PPARA: variants seen among roughly 807,000 people sequenced by gnomAD.
PPARA encodes peroxisome proliferator-activated receptor alpha.
In PPARA, 22 loss-of-function variants were observed where a neutral mutation model predicts 42.2. The ratio of observed to expected loss-of-function variants is 0.52; its 90% CI spans 0.37 to 0.74. The LOEUF is 0.74. PPARA is among the 30% of genes least tolerant of loss of function. The pLI, the probability that PPARA is intolerant of heterozygous loss-of-function variation, is 0.00. For synonymous variants in PPARA, 242 were observed against 239.3 expected (o/e 1.01, Z -0.10); for missense variants, 465 against 608.2 (o/e 0.76, Z 2.48).
At chr22:46,160,000 C>A (rs1205067278) in intron 2 of PPARA, among the ~76,000 whole-genome samples, 1 of 151,916 alleles carries the variant, frequency 6.6e-6, no homozygotes, top group Non-Finnish European at 1.5e-5. Context: ...AGATTCCGAT[C>A]ACAAGCTGTG....
At chr22:46,186,392 G>A (rs956106132) in intron 3 of PPARA, among the ~76,000 whole-genome samples, 7 of 152,044 alleles carry the variant, frequency 4.6e-5, no homozygotes, top group Non-Finnish European at 8.8e-5. Flanking sequence ...GTGTGGTCCC[G>A]CCTTTGTAGA....
rs1245690937 is a variant in PPARA at position 46,216,603 on chromosome 22, C to T, written c.369+1270C>T. On this transcript the variant is annotated intron_variant, in intron 5 of 8. Transcript: ENST00000407236. The surrounding 1 kb of genome is among the most constrained non-coding windows in gnomAD (Gnocchi z 4.5). ...CAGCAGCAGGGACTGGAACCAGAGACTGGCTGCTCCTGCTCCCCAGCAGTT... is the reference window on the plus strand; with the variant it reads ...CAGCAGCAGGGACTGGAACCAGAGATTGGCTGCTCCTGCTCCCCAGCAGTT... 6.6e-6 allele frequency among the ~76,000 whole-genome samples: 1 copy of T among 152,178 alleles called. No homozygotes were observed. The highest frequency in any genetic ancestry group is 1.5e-5 in the Non-Finnish European group (1 of 68,022).
At chr22:46,186,702 G>C (rs111870695) in intron 3 of PPARA, among the ~76,000 whole-genome samples, 1 of 151,958 alleles carries the variant, frequency 6.6e-6, no homozygotes, top group Admixed American at 6.6e-5. Context: ...GAGAGAGCGA[G>C]ACTCTGTCTC....
At position 46,163,165 on chromosome 22, in the gene PPARA, C is replaced by T. The variant is rs1205592354; in HGVS notation, c.-127+11195C>T. 3 of 152,242 alleles carry T rather than the reference C, an allele frequency of 2.0e-5. No homozygotes were observed. Among genetic ancestry groups the T allele is most frequent in the Non-Finnish European group, 4.4e-5 (3 of 68,056 alleles). 9.4% of individuals were successfully genotyped at this position (152,242 alleles called of 1,614,324 possible). A position where few individuals can be genotyped will look rare whatever the true frequency, so the allele number is the denominator to read the frequency against. ...ACCTGCCAGTGAACGGAATGTGCGG[C>T]TCCAGATGTCGTTGTCTTTAAACTT... On this transcript the variant is annotated intron_variant, in intron 2 of 8. Transcript: ENST00000407236. This position sits in a 1 kb window ranked among gnomAD's most constrained non-coding sequence, Gnocchi z 4.9.
At chr22:46,155,012 AAAAAAAAAAAAAAAAC>A (rs1354483063) in intron 2 of PPARA, 9 of 143,434 alleles carry the variant, frequency 6.3e-5, no homozygotes, top group East Asian at 2.0e-4. Context: ...AAAAAAAAAA[AAAAAAAAAAAAAAAAC>A]CACATTAATT....
rs1295209784 is a variant in PPARA at position 46,219,527 on chromosome 22, G to A, written c.509-285G>A. 1.3e-5 allele frequency among the ~76,000 whole-genome samples: 2 copies of A among 152,186 alleles called. No homozygotes were observed. Among genetic ancestry groups the A allele is most frequent in the African/African-American group, 4.8e-5 (2 of 41,442 alleles). On this transcript the variant is annotated intron_variant, in intron 6 of 8. Transcript: ENST00000407236. The surrounding 1 kb of genome is among the most constrained non-coding windows in gnomAD (Gnocchi z 4.8). ...TCAAAGGTTGATGATGCACCTGATA[G>A]TGGTGTGCACCCTACTAATGAGACG... is the stretch of plus-strand genomic sequence containing the variant.
intron 7 of PPARA, among the ~76,000 whole-genome samples, chr22:46,226,258 G>A (rs1935449289): frequency 1.3e-5 from 2 of 152,150 alleles, no homozygotes; most frequent in Admixed American, 1.3e-4. Flanking sequence ...CACACTTACT[G>A]TTGCTCAGGC....
chr22:46,191,794 G>A lies in PPARA; in HGVS notation c.-42-6548G>A, dbSNP rs776564081. On this transcript the variant is annotated intron_variant, in intron 3 of 8. Transcript: ENST00000407236. This position sits in a 1 kb window ranked among gnomAD's most constrained non-coding sequence, Gnocchi z 4.6. ...TTAGAAATAGATATTGAGGCCAGGC[G>A]CGGTGGCTCATGCCTGTAATCCCAG... 6.6e-6 allele frequency among the ~76,000 whole-genome samples: 1 copy of A among 152,148 alleles called. No homozygotes were observed. The highest frequency in any genetic ancestry group is 6.5e-5 in the Admixed American group (1 of 15,274).
At position 46,200,930 on chromosome 22, in the gene PPARA, A is replaced by T. The variant is rs1432033756; in HGVS notation, c.208+2339A>T. 6.9e-6 allele frequency among the ~76,000 whole-genome samples: 1 copy of T among 145,200 alleles called. No homozygotes were observed. Among genetic ancestry groups the T allele is most frequent in the Non-Finnish European group, 1.5e-5 (1 of 66,554 alleles). ...CAGGGTGAGACTCCATCTCAAAAAA[A>T]AGTTGGGGCGTGGTGGCTCATGCCT... is the stretch of plus-strand genomic sequence containing the variant. On this transcript the variant is annotated intron_variant, in intron 4 of 8. Coordinates refer to ENST00000407236, the MANE Select transcript of PPARA (RefSeq NM_005036.6). This position sits in a 1 kb window ranked among gnomAD's most constrained non-coding sequence, Gnocchi z 4.8.
chr22:46,177,219 A>AAAT (rs1298092214), intron 3 of PPARA, among the ~76,000 whole-genome samples: 2 of 151,928 alleles, frequency 1.3e-5, no homozygotes, highest in African/African-American at 2.4e-5. Flanking sequence ...TCAAAAAATA[A>AAAT]AATAAAATAA....
Position 46,198,464 on chromosome 22 carries a change from C to T in PPARA, c.81C>T (p.Phe27=), listed in dbSNP as rs767779884. 1.2e-6 allele frequency: 2 copies of T among 1,613,784 alleles called. No homozygotes were observed. The highest frequency in any genetic ancestry group is 3.3e-5 in the Admixed American group (2 of 59,952). ...GDLESPLSEE[F]LQEMGNIQEI... The stretch of plus-strand genomic sequence containing the variant: ...TAGAGAGCCCGTTATCTGAAGAGTT[C>T]CTGCAAGAAATGGGAAACATCCAAG... Residue 27 remains phenylalanine (F), a synonymous_variant, in exon 4 of 9, where the codon TTC becomes TTT. Coordinates refer to ENST00000407236, the MANE Select transcript of PPARA (RefSeq NM_005036.6).
At chr22:46,168,610 A>G (rs1927490604) in intron 2 of PPARA, among the ~76,000 whole-genome samples, 1 of 151,832 alleles carries the variant, frequency 6.6e-6, no homozygotes, top group Non-Finnish European at 1.5e-5. Flanking sequence ...AAGATGAACT[A>G]ACTCTTCAAC....
In PPARA at chr22:46,192,085, A is replaced by G. The variant is rs926456599; in HGVS notation, c.-42-6257A>G. 2.6e-5 allele frequency among the ~76,000 whole-genome samples: 4 copies of G among 152,190 alleles called. No homozygotes were observed. Among genetic ancestry groups the G allele is most frequent in the Non-Finnish European group, 4.4e-5 (3 of 68,014 alleles). On this transcript the variant is annotated intron_variant, in intron 3 of 8. Transcript: ENST00000407236. The surrounding 1 kb of genome is among the most constrained non-coding windows in gnomAD (Gnocchi z 4.3). ...TCTCAAAAAAAAGAGAAAGAAAGAAATAGACATTGAACACCTGCTACACAG... is the reference window on the plus strand; with the variant it reads ...TCTCAAAAAAAAGAGAAAGAAAGAAGTAGACATTGAACACCTGCTACACAG...
In PPARA at chr22:46,222,756, AC is replaced by A. The variant is rs1345992823; in HGVS notation, c.711+2743del. 6.6e-6 allele frequency among the ~76,000 whole-genome samples: 1 copy of A among 152,158 alleles called. No individual in the cohort carries two copies. Among genetic ancestry groups the A allele is most frequent in the African/African-American group, 2.4e-5 (1 of 41,424 alleles). On this transcript the variant is annotated intron_variant, in intron 7 of 8. Coordinates refer to ENST00000407236, the MANE Select transcript of PPARA (RefSeq NM_005036.6). This position sits in a 1 kb window ranked among gnomAD's most constrained non-coding sequence, Gnocchi z 5.9. ...GAAAGCAGGCTGGGCACAGTGGCTC[AC>A]ACTGTAATCCCAGCACTTTGGGAGG...
rs1926391598 is a variant in PPARA, at chr22:46,162,722, G to C, written c.-127+10752G>C. ...TCTGGGAGCCTGTGGCTCCTGCCGGGTACCCACCGGTTGAGATACCTCAAG... is the reference window on the plus strand; with the variant it reads ...TCTGGGAGCCTGTGGCTCCTGCCGGCTACCCACCGGTTGAGATACCTCAAG... On this transcript the variant is annotated intron_variant, in intron 2 of 8. Transcript: ENST00000407236. The surrounding 1 kb of genome is among the most constrained non-coding windows in gnomAD (Gnocchi z 6.0). 1.3e-5 allele frequency among the ~76,000 whole-genome samples: 2 copies of C among 152,128 alleles called. No individual in the cohort carries two copies. Among genetic ancestry groups the C allele is most frequent in the Admixed American group, 1.3e-4 (2 of 15,270 alleles).
At chr22:46,209,261 A>C (rs1034627551) in intron 4 of PPARA, among the ~76,000 whole-genome samples, 2 of 152,076 alleles carry the variant, frequency 1.3e-5, no homozygotes, top group Non-Finnish European at 2.9e-5. Flanking sequence ...GCTGCTTCTA[A>C]ATTTTTTTCT....
intron 3 of PPARA, among the ~76,000 whole-genome samples, chr22:46,194,893 C>CTTTTTTTTTTTT (rs1161037504): frequency 6.9e-5 from 8 of 116,038 alleles, no homozygotes; most frequent in Non-Finnish European, 1.1e-4. Context: ...TGTTTTCTTT[C>CTTTTTTTTTTTT]TTTTTTTTTT....
Position 46,180,212 on chromosome 22 carries a change from A to G in PPARA, c.-43+3376A>G, listed in dbSNP as rs1281880525. Among the ~76,000 whole-genome samples the G allele has an allele frequency of 6.7e-6, 1 of 148,988 alleles. No homozygotes were observed. The highest frequency in any genetic ancestry group is 1.5e-5 in the Non-Finnish European group (1 of 67,384). ...GCAGTTGCTTTTTTTTTTTTTTGAG[A>G]TGGAGTCTTGCTCTCCCAGGCTGGA... is the stretch of plus-strand genomic sequence containing the variant. On this transcript the variant is annotated intron_variant, in intron 3 of 8. Transcript: ENST00000407236. The surrounding 1 kb of genome is among the most constrained non-coding windows in gnomAD (Gnocchi z 4.2).
intron 3 of PPARA, among the ~76,000 whole-genome samples, chr22:46,194,951 G>A (rs1463707128): frequency 7.1e-6 from 1 of 140,118 alleles, no homozygotes; most frequent in Non-Finnish European, 1.5e-5. Context: ...CCCCCAGGCT[G>A]GAGTGCAATT....
Sources: allele counts gnomAD v4.1 joint callset (sites outside exome capture counted in the v4.1 genomes callset), GRCh38; gene constraint gnomAD v4.1.1; non-coding constraint Gnocchi (gnomAD v3.1); transcripts MANE v1.5; gene names NCBI Gene and HGNC (gene_info 2026-07-23, HGNC 2026-07-21).